IRX2: variants seen among roughly 807,000 people sequenced by gnomAD.
IRX2 encodes iroquois homeobox 2.
Under a neutral mutation model 42.9 loss-of-function variants are expected in IRX2, and 26 were observed. That is an observed-to-expected ratio of 0.61 (90% CI 0.44 to 0.84). The LOEUF is 0.84. Among genes scored for constraint, IRX2 ranks in the 40% least tolerant of loss-of-function variants. The pLI is 0.00. For missense variants in IRX2, 782 were observed against 713.9 expected, an observed-to-expected ratio of 1.10 and a Z score of -1.09; for synonymous variants, 424 against 353.9, an observed-to-expected ratio of 1.20 and a Z score of -2.22.
intron 2 of IRX2, 78 bp from the exon 3 acceptor site, chr5:2,749,130 G>C (rs1737820055): frequency 6.5e-7 from 1 of 1,533,754 alleles, no homozygotes; most frequent in Non-Finnish European, 8.7e-7. Flanking sequence ...CCTGTCCTGC[G>C]GCACTGGGCC....
In IRX2 at chr5:2,748,812, G is replaced by A. The variant is rs1459807337; in HGVS notation, c.896C>T (p.Pro299Leu). 1.4e-6 allele frequency: 2 copies of A among 1,480,936 alleles called. No individual in the cohort carries two copies. The allele number at this position is 1,480,936 out of a possible 1,614,324, so 91.7% of individuals were successfully genotyped here. A position where few individuals can be genotyped will look rare whatever the true frequency, so the allele number is the denominator to read the frequency against. ...TGLEAPLLSPPPEAAPRGGRK... is the reference protein window; with the variant it reads ...TGLEAPLLSPLPEAAPRGGRK... The stretch of plus-strand genomic sequence containing the variant: ...GCCACCGCGGGGCGCGGCCTCGGGC[G>A]GGGGGCTCAGCAGCGGCGCCTCCAA... The change falls in exon 3 of 4, where the codon CCG (proline) becomes CTG (leucine). Residue 299 changes from proline (P) to leucine (L), a missense_variant. Around this residue, in one of 3 missense-constraint regions of IRX2, gnomAD observed 520 missense variants for 437.8 expected, o/e 1.19. Coordinates refer to ENST00000302057, the MANE Select transcript of IRX2 (RefSeq NM_033267.5).
rs999641216 is a variant in IRX2, at chr5:2,746,659, A to G, written c.*905T>C. ...TGCTGTGTGGATCCTTCTCTTTTAC[A>G]GTGGCACAAGATGTGGTCTGGATTT... On this transcript the variant is annotated 3_prime_UTR_variant, in exon 4 of 4. Coordinates refer to ENST00000302057, the MANE Select transcript of IRX2 (RefSeq NM_033267.5). The G allele has an allele frequency of 6.6e-6, 1 of 151,856 alleles. No homozygotes were observed. Among genetic ancestry groups the G allele is most frequent in the Non-Finnish European group, 1.5e-5 (1 of 67,908 alleles). The allele number at this position is 151,856 out of a possible 1,614,324, so 9.4% of individuals were successfully genotyped here.
chr5:2,742,174 G>T (rs1331615493), downstream of IRX2, among the ~76,000 whole-genome samples: 3 of 152,182 alleles, frequency 2.0e-5, no homozygotes, highest in Non-Finnish European at 2.9e-5. Flanking sequence ...TACAAGTGGG[G>T]TGTCTGCTTC....
rs1737685629 is a variant in IRX2, at chr5:2,746,873, T to C, written c.*691A>G. On this transcript the variant is annotated 3_prime_UTR_variant, in exon 4 of 4. Coordinates refer to ENST00000302057, the MANE Select transcript of IRX2 (RefSeq NM_033267.5). ...TAAAAACGAGTTGATCTGAAGTGGT[T>C]CCAAATCTTTCTTATCTTCAAGATC... 1 of 152,374 alleles carries C rather than the reference T, an allele frequency of 6.6e-6. No homozygotes were observed. 9.4% of individuals were successfully genotyped at this position (152,374 alleles called of 1,614,324 possible). A position where few individuals can be genotyped will look rare whatever the true frequency, so the allele number is the denominator to read the frequency against.
intron 3 of IRX2, 51 bp downstream of exon 3, chr5:2,748,294 G>C: frequency 7.4e-7 from 1 of 1,355,902 alleles, no homozygotes; most frequent in South Asian, 1.8e-5. Context: ...CCGCCTCCCC[G>C]GGGCTGGCTC....
chr5:2,747,420 G>A lies in IRX2; in HGVS notation c.*144C>T, dbSNP rs1208050838. 4.9e-6 allele frequency: 3 copies of A among 608,292 alleles called. No individual in the cohort carries two copies. Among genetic ancestry groups the A allele is most frequent in the Non-Finnish European group, 8.6e-6 (3 of 346,894 alleles). The allele number at this position is 608,292 out of a possible 1,614,324, so 37.7% of individuals were successfully genotyped here. A position where few individuals can be genotyped will look rare whatever the true frequency, so the allele number is the denominator to read the frequency against. On this transcript the variant is annotated 3_prime_UTR_variant, in exon 4 of 4. Coordinates refer to ENST00000302057, the MANE Select transcript of IRX2 (RefSeq NM_033267.5). ...TAGTTTCCCCCTTAAGGAAAGAAAA[G>A]CTGGACAAGATTGAAATGCTCTGTC...
Position 2,748,903 on chromosome 5 carries a change from C to T in IRX2, c.805G>A (p.Asp269Asn), listed in dbSNP as rs1300097053. Residue 269 changes from aspartate to asparagine, a missense_variant, in exon 3 of 4, where the codon GAC (aspartate) becomes AAC (asparagine). By Grantham distance (23) the Asp-to-Asn change is conservative. Around this residue, in one of 3 missense-constraint regions of IRX2, gnomAD observed 520 missense variants for 437.8 expected, o/e 1.19. Transcript: ENST00000302057. ...AGGCCCCGCTCGCCCTCCTCGTCGT[C>T]GTCCTCGTCGTCCTCCAGGTCGTCA... ...KYDDLEDDED[D>N]DEEGERGLAP... 6.3e-7 allele frequency: 1 copy of T among 1,595,884 alleles called. No individual in the cohort carries two copies. Among genetic ancestry groups the T allele is most frequent in the Non-Finnish European group, 8.5e-7 (1 of 1,179,146 alleles).
In IRX2 at chr5:2,747,195, T is replaced by A. The variant is rs948208525; in HGVS notation, c.*369A>T. 1 of 153,778 alleles carries A rather than the reference T, an allele frequency of 6.5e-6. No homozygotes were observed. Among genetic ancestry groups the A allele is most frequent in the African/African-American group, 2.4e-5 (1 of 41,452 alleles). 9.5% of individuals were successfully genotyped at this position (153,778 alleles called of 1,614,324 possible). On this transcript the variant is annotated 3_prime_UTR_variant, in exon 4 of 4. Coordinates refer to ENST00000302057, the MANE Select transcript of IRX2 (RefSeq NM_033267.5). ...CATATAAATGCCCAGATTTTAATAA[T>A]CTATTGTTTCAAAAGAAAACAACAG...
chr5:2,743,317 A>C (rs963637118), downstream of IRX2, among the ~76,000 whole-genome samples: 1 of 152,198 alleles, frequency 6.6e-6, no homozygotes, highest in Admixed American at 6.5e-5. Context: ...TGCAGAAACA[A>C]TAACTCTTTT....
At chr5:2,749,150 G>T in intron 2 of IRX2, 98 bp from the exon 3 acceptor site, 1 of 1,507,790 alleles carries the variant, frequency 6.6e-7, no homozygotes, top group South Asian at 1.2e-5. Flanking sequence ...CCTCCCCACG[G>T]GACCCCTCAC....
rs1737788173 is a variant in IRX2 at position 2,748,692 on chromosome 5, TCCGA to T, written c.1012_1015del (p.Ser338ThrfsTer60). On this transcript the variant is annotated frameshift_variant, in exon 3 of 4. Coordinates refer to ENST00000302057, the MANE Select transcript of IRX2 (RefSeq NM_033267.5). LOFTEE classifies it high-confidence loss of function. ...CGGGCCCAGGCTCGGCTGCTTGAGG[TCCGA>T]CGTGGCGATCTCGGCCAGCGACCAC... 7.2e-7 allele frequency: 1 copy of T among 1,398,170 alleles called. No individual in the cohort carries two copies. Among genetic ancestry groups the T allele is most frequent in the African/African-American group, 1.5e-5 (1 of 65,478 alleles). The allele number at this position is 1,398,170 out of a possible 1,614,324, so 86.6% of individuals were successfully genotyped here.
At chr5:2,743,746 G>T (rs1737596431), downstream of IRX2, among the ~76,000 whole-genome samples, 1 of 148,132 alleles carries the variant, frequency 6.8e-6, no homozygotes, top group Non-Finnish European at 1.5e-5. Context: ...CCTCTCCAGT[G>T]AAAGATATCT....
the IRX2 span, among the ~76,000 whole-genome samples, chr5:2,739,667 G>A: frequency 0.65 from 98,275 of 152,138 alleles, 32,095 homozygotes; most frequent in Middle Eastern, 0.75. Flanking sequence ...CTGAACCCGG[G>A]CCGGGCGCTT....
At chr5:2,736,150 C>T in the IRX2 span, among the ~76,000 whole-genome samples, 1 of 152,190 alleles carries the variant, frequency 6.6e-6, no homozygotes, top group African/African-American at 2.4e-5. Flanking sequence ...CCCTGTGTCA[C>T]ACCTTGGCAT....
chr5:2,736,965 G>A, the IRX2 span: 2 of 152,192 alleles, frequency 1.3e-5, no homozygotes, highest in Non-Finnish European at 2.9e-5. Context: ...ATTTACAAGT[G>A]GTCAGTGTTC....
chr5:2,741,575 GA>G (rs953159817), downstream of IRX2, among the ~76,000 whole-genome samples: 37 of 151,446 alleles, frequency 2.4e-4, no homozygotes, highest in African/African-American at 3.6e-4. Context: ...TCAGATAAAT[GA>G]AAAAAAAATT....
At position 2,746,527 on chromosome 5, in the gene IRX2, A is replaced by AT. The variant is rs571350246; in HGVS notation, c.*1036dup. The stretch of plus-strand genomic sequence containing the variant: ...ATTCAAGATATCCTGAGAAAAACAG[A>AT]TTGTTTTCAAAAGTCACACATACAT... On this transcript the variant is annotated 3_prime_UTR_variant, in exon 4 of 4. Transcript: ENST00000302057. 9.2e-5 allele frequency: 14 copies of AT among 152,528 alleles called. 1 individual carries two copies. In the South Asian group the frequency reaches 2.9e-3, roughly 32 times the overall value. The allele number at this position is 152,528 out of a possible 1,614,324, so 9.4% of individuals were successfully genotyped here.
downstream of IRX2, among the ~76,000 whole-genome samples, chr5:2,745,219 C>A (rs1457645310): frequency 2.0e-5 from 3 of 152,126 alleles, no homozygotes; most frequent in African/African-American, 7.2e-5. Flanking sequence ...CATGCTGCAA[C>A]ATTATTAATC....
downstream of IRX2, among the ~76,000 whole-genome samples, chr5:2,742,611 CTATTTA>C (rs1194259433): frequency 1.1e-4 from 16 of 152,264 alleles, no homozygotes; most frequent in Non-Finnish European, 1.6e-4. Flanking sequence ...TTTATTATAT[CTATTTA>C]TATTTTAATT....
Sources: allele counts gnomAD v4.1 joint callset (sites outside exome capture counted in the v4.1 genomes callset), GRCh38; gene constraint gnomAD v4.1.1; regional missense constraint gnomAD v4.1.1; transcripts MANE v1.5; gene names NCBI Gene and HGNC (gene_info 2026-07-23, HGNC 2026-07-21).